The following EYS variants were observed in gnomAD, a reference collection of about 807,000 sequenced individuals.
EYS encodes the protein EGF-like photoreceptor maintenance factor.
Under a neutral mutation model 282.1 loss-of-function variants are expected in EYS, and 250 were observed. That is an observed-to-expected ratio of 0.89 (90% CI 0.80 to 0.98). EYS has a LOEUF of 0.98. Ranked by LOEUF, EYS falls within the 50% of genes least tolerant of loss-of-function variation. The probability of loss-of-function intolerance (pLI) is 0.00; values close to 1 mark genes in which losing one functional copy is unlikely to be tolerated. For missense variants in EYS, 4,016 were observed against 3,709.0 expected (o/e 1.08, Z -2.15); for synonymous variants, 1,355 against 1,282.9 (o/e 1.06, Z -1.20).
At chr6:65,189,460 A>G (rs999633428) in intron 12 of EYS, among the ~76,000 whole-genome samples, 6 of 151,816 alleles carry the variant, frequency 4.0e-5, no homozygotes, top group Non-Finnish European at 8.8e-5. Context: ...TCTCAAGATC[A>G]ATGCTGCTGA....
chr6:64,961,620 GC>G (rs1769921884), intron 14 of EYS, among the ~76,000 whole-genome samples: 1 of 151,992 alleles, frequency 6.6e-6, no homozygotes. Context: ...TTCAAAAAAT[GC>G]ATGCTTCATC....
chr6:65,185,955 T>A (rs1438776848), intron 12 of EYS, among the ~76,000 whole-genome samples: 1 of 149,432 alleles, frequency 6.7e-6, no homozygotes, highest in African/African-American at 2.5e-5. Flanking sequence ...AATCTCCACA[T>A]CCACTTTTGT....
At chr6:64,428,643 G>A (rs543553224) in intron 28 of EYS, among the ~76,000 whole-genome samples, 2 of 152,084 alleles carry the variant, frequency 1.3e-5, no homozygotes, top group African/African-American at 4.8e-5. Context: ...GCATACATTT[G>A]TATGGCTCAG....
chr6:65,123,643 TA>T (rs1561978093), intron 12 of EYS, among the ~76,000 whole-genome samples: 2 of 152,038 alleles, frequency 1.3e-5, no homozygotes, highest in Admixed American at 6.6e-5. Flanking sequence ...ATATGTTTAT[TA>T]CTTAATGTTA....
intron 36 of EYS, among the ~76,000 whole-genome samples, chr6:63,809,631 A>G (rs1430736346): frequency 6.6e-6 from 1 of 152,180 alleles, no homozygotes; most frequent in African/African-American, 2.4e-5. Context: ...AAGCAAAATC[A>G]CTAATGCTCT....
At chr6:63,732,660 C>T (rs569028206) in intron 41 of EYS, among the ~76,000 whole-genome samples, 4 of 152,154 alleles carry the variant, frequency 2.6e-5, no homozygotes, top group East Asian at 1.9e-4. Context: ...ATTCTGAAAC[C>T]GTAAATTAAT....
At chr6:64,579,568 T>C (rs1765995318) in intron 26 of EYS, among the ~76,000 whole-genome samples, 1 of 152,082 alleles carries the variant, frequency 6.6e-6, no homozygotes. Context: ...GCCCACTGAG[T>C]ATCTGTGTTG....
chr6:65,574,240 T>G (rs74932570), intron 2 of EYS, among the ~76,000 whole-genome samples: 5,547 of 152,200 alleles, frequency 0.036, 268 homozygotes, highest in African/African-American at 0.11. Flanking sequence ...AGCAACCCAC[T>G]AGCTACAACA....
At chr6:65,320,747 T>A (rs1335000187) in intron 11 of EYS, among the ~76,000 whole-genome samples, 2 of 152,148 alleles carry the variant, frequency 1.3e-5, no homozygotes, top group African/African-American at 2.4e-5. Flanking sequence ...GAGGTGCAGG[T>A]TAAACAGGTT....
chr6:64,092,658 T>C (rs1385423680), intron 31 of EYS, among the ~76,000 whole-genome samples: 2 of 152,190 alleles, frequency 1.3e-5, no homozygotes, highest in African/African-American at 4.8e-5. Context: ...TATTAGCCCT[T>C]TGTCAGATGA....
intron 28 of EYS, chr6:64,400,302 T>C (rs887996332): frequency 6.6e-6 from 1 of 152,054 alleles, no homozygotes; most frequent in African/African-American, 2.4e-5. Context: ...TCATGGTTAT[T>C]CTTGTTTTCA....
At chr6:65,117,272 A>C (rs1775403045) in intron 12 of EYS, among the ~76,000 whole-genome samples, 1 of 152,226 alleles carries the variant, frequency 6.6e-6, no homozygotes. Flanking sequence ...TCTTTCCAAC[A>C]TGATCCCAAA....
chr6:64,961,787 C>T (rs192960344), intron 14 of EYS, among the ~76,000 whole-genome samples: 1 of 151,980 alleles, frequency 6.6e-6, no homozygotes, highest in Non-Finnish European at 1.5e-5. Flanking sequence ...CTGTTTTGAG[C>T]CCTTATGCTA....
At position 65,443,220 on chromosome 6, in the gene EYS, A is replaced by G. The variant is rs374626668; in HGVS notation, c.863-37853T>C. Among the ~76,000 whole-genome samples, 855 of 103,768 alleles carry G rather than the reference A, an allele frequency of 8.2e-3. 48 individuals carry two copies. The highest frequency in any genetic ancestry group is 0.039 in the Middle Eastern group (6 of 154). 68.1% of individuals were successfully genotyped at this position (103,768 alleles called of 152,430 possible). A position where few individuals can be genotyped will look rare whatever the true frequency, so the allele number is the denominator to read the frequency against. On this transcript the variant is annotated intron_variant, in intron 5 of 42. Transcript: ENST00000503581. ...GCGCACATATATGTATGCATCATATACACATGTATGTGAACATATAGACAT... is the reference window on the plus strand; with the variant it reads ...GCGCACATATATGTATGCATCATATGCACATGTATGTGAACATATAGACAT...
At chr6:64,511,271 C>G (rs1409122850) in intron 26 of EYS, among the ~76,000 whole-genome samples, 1 of 147,280 alleles carries the variant, frequency 6.8e-6, no homozygotes, top group African/African-American at 2.5e-5. Flanking sequence ...TCATATGTAT[C>G]ATATATATGA....
At chr6:65,384,039 G>T (rs1262291454) in intron 8 of EYS, among the ~76,000 whole-genome samples, 1 of 151,732 alleles carries the variant, frequency 6.6e-6, no homozygotes, top group African/African-American at 2.4e-5. Context: ...ATATTTTGTG[G>T]ACCCTAACAA....
At chr6:65,236,242 C>G (rs1298813462) in intron 12 of EYS, among the ~76,000 whole-genome samples, 1 of 152,070 alleles carries the variant, frequency 6.6e-6, no homozygotes, top group Non-Finnish European at 1.5e-5. Flanking sequence ...AGGTCATATT[C>G]TAAGGTACTG....
chr6:63,896,656 C>T (rs1016230478), intron 35 of EYS, among the ~76,000 whole-genome samples: 1 of 152,174 alleles, frequency 6.6e-6, no homozygotes, highest in African/African-American at 2.4e-5. Context: ...CATATATGCA[C>T]CATTCATGCA....
At chr6:65,350,528 G>T (rs1770558700) in intron 9 of EYS, among the ~76,000 whole-genome samples, 1 of 151,438 alleles carries the variant, frequency 6.6e-6, no homozygotes, top group Non-Finnish European at 1.5e-5. Flanking sequence ...GTTTAACTTG[G>T]ATAAGCAAAC....
Sources: gnomAD v4.1 joint callset for allele counts (sites outside exome capture counted in the v4.1 genomes callset) on GRCh38, gnomAD v4.1.1 for gene constraint, MANE v1.5 for transcripts, NCBI Gene and HGNC (gene_info 2026-07-23, HGNC 2026-07-21) for gene names.